Variants in FAM184A observed in about 807,000 individuals in gnomAD.
FAM184A encodes the protein family with sequence similarity 184 member A.
Under a neutral mutation model 143.8 loss-of-function variants are expected in FAM184A, and 99 were observed. The observed-to-expected ratio is 0.69, with a 90% CI of 0.58 to 0.81. FAM184A has a LOEUF of 0.81. Among genes scored for constraint, FAM184A ranks in the 40% least tolerant of loss-of-function variants. The pLI is 0.00. For missense variants in FAM184A, 1,217 were observed against 1,310.5 expected, an observed-to-expected ratio of 0.93 and a Z score of 1.10; for synonymous variants, 427 against 446.4, an observed-to-expected ratio of 0.96 and a Z score of 0.55.
intron 9 of FAM184A, among the ~76,000 whole-genome samples, chr6:118,992,804 C>T (rs1260460718): frequency 6.6e-6 from 1 of 152,082 alleles, no homozygotes; most frequent in African/African-American, 2.4e-5. Flanking sequence ...GTGGCATGTA[C>T]CTGTAGTGCC....
At chr6:119,090,222 T>C (rs1788332200) in intron 1 of FAM184A, among the ~76,000 whole-genome samples, 1 of 152,232 alleles carries the variant, frequency 6.6e-6, no homozygotes, top group South Asian at 2.1e-4. Flanking sequence ...CTTTGGTCAA[T>C]TGGGACTCAA....
intron 6 of FAM184A, chr6:119,011,098 G>A: frequency 2.3e-6 from 1 of 442,458 alleles, no homozygotes; most frequent in Non-Finnish European, 3.9e-6. Flanking sequence ...CCCCACAACA[G>A]CACCTTAGTT....
intron 1 of FAM184A, among the ~76,000 whole-genome samples, chr6:119,113,214 C>T (rs577409004): frequency 6.6e-6 from 1 of 152,238 alleles, no homozygotes; most frequent in Non-Finnish European, 1.5e-5. Context: ...AAAAAAAATG[C>T]TCTCATTATG....
intron 13 of FAM184A, 108 bp from the exon 14 acceptor site, chr6:118,974,682 AT>A (rs1212871349): frequency 1.1e-4 from 99 of 937,176 alleles, no homozygotes; most frequent in Admixed American, 5.0e-4. Context: ...TATATAGAAA[AT>A]TTATGTAAAC....
intron 14 of FAM184A, among the ~76,000 whole-genome samples, chr6:118,971,519 T>A (rs188419997): frequency 6.6e-6 from 1 of 152,050 alleles, no homozygotes; most frequent in Non-Finnish European, 1.5e-5. Context: ...AGCTTGAACT[T>A]TCTTTACTTA....
At chr6:119,064,521 T>C (rs895949517) in intron 1 of FAM184A, among the ~76,000 whole-genome samples, 1 of 152,070 alleles carries the variant, frequency 6.6e-6, no homozygotes, top group African/African-American at 2.4e-5. Flanking sequence ...GCAAACATAG[T>C]AAGATCTCAT....
Position 119,016,844 on chromosome 6 carries a change from G to A in FAM184A, c.1433C>T (p.Ala478Val). The change falls in exon 5 of 18, where the codon GCC becomes GTC. Residue 478 changes from alanine to valine, a missense_variant. By Grantham distance (64) the Ala-to-Val change is moderately conservative. Transcript: ENST00000338891. ...LEEEVTQLNE[A>V]HSKTLEELAW... ...TAATTCTTCCAAAGTCTTAGAATGG[G>A]CCTCGTTTAATTGAGTCACCTCCTC... is the stretch of plus-strand genomic sequence containing the variant. 6.2e-7 allele frequency: 1 copy of A among 1,613,890 alleles called. No homozygotes were observed. Among genetic ancestry groups the A allele is most frequent in the Non-Finnish European group, 8.5e-7 (1 of 1,179,822 alleles).
At chr6:119,082,509 G>A (rs1272541409), upstream of FAM184A, among the ~76,000 whole-genome samples, 4 of 152,232 alleles carry the variant, frequency 2.6e-5, no homozygotes, top group African/African-American at 9.6e-5. Context: ...ATACAATGGG[G>A]GTTCAGGCAT....
intron 1 of FAM184A, among the ~76,000 whole-genome samples, chr6:119,121,496 A>G (rs947672589): frequency 6.6e-6 from 1 of 152,206 alleles, no homozygotes; most frequent in Admixed American, 6.5e-5. Context: ...TTTTAGTTTG[A>G]GTGCCATTTC....
intron 1 of FAM184A, among the ~76,000 whole-genome samples, chr6:119,093,400 G>A (rs1236925714): frequency 2.0e-5 from 3 of 152,104 alleles, no homozygotes; most frequent in African/African-American, 4.8e-5. Context: ...CGTGAGTCAC[G>A]GGAGAATTAC....
chr6:119,033,158 G>C (rs1785954698), intron 1 of FAM184A, among the ~76,000 whole-genome samples: 1 of 152,118 alleles, frequency 6.6e-6, no homozygotes, highest in Non-Finnish European at 1.5e-5. Context: ...TATAAAATGG[G>C]TCACTGTTTG....
chr6:118,969,809 C>T (rs1378817530), intron 14 of FAM184A, among the ~76,000 whole-genome samples: 23 of 146,546 alleles, frequency 1.6e-4, no homozygotes, highest in Non-Finnish European at 2.8e-4. Context: ...CCCCCCACCC[C>T]GTGACAGGCC....
In FAM184A at chr6:118,979,450, C is replaced by G; in HGVS notation, c.2370G>C (p.Glu790Asp). Residue 790 changes from glutamate to aspartate, a missense_variant, in exon 11 of 18, where the codon GAG (glutamate) becomes GAC (aspartate). Glu to Asp is a conservative substitution (Grantham distance 45). Transcript: ENST00000338891. ...ELQSLKDAHR[E>D]SMEGFRIEME... ...TTTCTATCCGGAAGCCCTCCATTGA[C>G]TCTCTGTGTGCATCTTTTAGTGATT... 1 of 1,613,912 alleles carries G rather than the reference C, an allele frequency of 6.2e-7. No individual in the cohort carries two copies. Among genetic ancestry groups the G allele is most frequent in the African/African-American group, 1.3e-5 (1 of 75,028 alleles).
At chr6:119,067,107 G>A (rs1268047268) in intron 1 of FAM184A, among the ~76,000 whole-genome samples, 1 of 152,226 alleles carries the variant, frequency 6.6e-6, no homozygotes, top group Non-Finnish European at 1.5e-5. Context: ...GTAGGGCAAT[G>A]TGATAGATTC....
chr6:119,060,705 G>C (rs182955261), intron 1 of FAM184A, among the ~76,000 whole-genome samples: 2 of 152,252 alleles, frequency 1.3e-5, no homozygotes, highest in East Asian at 1.9e-4. Flanking sequence ...TAATGGTTTA[G>C]CACCATCCCC....
chr6:119,021,451 G>T (rs940800881), intron 3 of FAM184A, among the ~76,000 whole-genome samples: 1 of 152,192 alleles, frequency 6.6e-6, no homozygotes, highest in Admixed American at 6.5e-5. Flanking sequence ...CAAGCCCTAA[G>T]AAATGAACTG....
intron 1 of FAM184A, among the ~76,000 whole-genome samples, chr6:119,030,960 A>AT (rs1785848202): frequency 6.6e-6 from 1 of 151,384 alleles, no homozygotes; most frequent in Non-Finnish European, 1.5e-5. Flanking sequence ...ATGATGCATA[A>AT]TTTAACTACG....
At chr6:119,111,157 A>G (rs1398326494) in intron 1 of FAM184A, among the ~76,000 whole-genome samples, 3 of 152,240 alleles carry the variant, frequency 2.0e-5, no homozygotes, top group Non-Finnish European at 4.4e-5. Context: ...TAAACAAAAT[A>G]TGTTATATAC....
In FAM184A at chr6:119,049,164, T is replaced by C. The variant is rs146563991; in HGVS notation, c.160-24351A>G. ...TGATCCTGGTACAAAAACAGACACA[T>C]ACGCCAGGCGCGGTGGCTCACGCCT... On this transcript the variant is annotated intron_variant, in intron 1 of 17. Coordinates refer to ENST00000338891, the MANE Select transcript of FAM184A (RefSeq NM_024581.6). Among the ~76,000 whole-genome samples the C allele has an allele frequency of 3.2e-3, 481 of 152,194 alleles. 2 individuals carry two copies. The highest frequency in any genetic ancestry group is 0.011 in the African/African-American group (449 of 41,532).
Sources: gnomAD v4.1 joint callset for allele counts (sites outside exome capture counted in the v4.1 genomes callset) on GRCh38, gnomAD v4.1.1 for gene constraint, MANE v1.5 for transcripts, NCBI Gene and HGNC (gene_info 2026-07-23, HGNC 2026-07-21) for gene names.